Variants in PLPPR1 observed in about 807,000 individuals in gnomAD.
The protein encoded by PLPPR1 is phospholipid phosphatase related 1, also known as phospholipid phosphatase-related protein type 1.
In PLPPR1, 10 loss-of-function variants were observed where a neutral mutation model predicts 33.1. The ratio of observed to expected loss-of-function variants is 0.30; its 90% CI spans 0.19 to 0.51. PLPPR1 has a LOEUF of 0.51. Ranked by LOEUF, PLPPR1 falls within the 20% of genes least tolerant of loss-of-function variation. PLPPR1 has a pLI of 0.97. For missense variants in PLPPR1, 304 were observed against 408.1 expected, an observed-to-expected ratio of 0.74 and a Z score of 2.20; for synonymous variants, 151 against 151.0, an observed-to-expected ratio of 1.00 and a Z score of 0.00.
intron 1 of PLPPR1, among the ~76,000 whole-genome samples, chr9:101,116,582 A>G (rs1211192124): frequency 6.6e-6 from 1 of 152,182 alleles, no homozygotes; most frequent in Non-Finnish European, 1.5e-5. Context: ...TGGGAGGCCA[A>G]GGCGGGCGGA....
intron 2 of PLPPR1, among the ~76,000 whole-genome samples, chr9:101,186,184 T>G (rs1826199851): frequency 6.6e-6 from 1 of 151,892 alleles, no homozygotes; most frequent in Non-Finnish European, 1.5e-5. Context: ...TGTTTCTATG[T>G]TTGCTATAGA....
chr9:101,123,298 T>A (rs1386255600), intron 1 of PLPPR1, among the ~76,000 whole-genome samples: 2 of 151,532 alleles, frequency 1.3e-5, no homozygotes, highest in African/African-American at 4.9e-5. Context: ...ATTTTTATGG[T>A]TAGGTCTCTG....
intron 1 of PLPPR1, among the ~76,000 whole-genome samples, chr9:101,045,694 A>T (rs1192817004): frequency 2.6e-5 from 4 of 152,242 alleles, no homozygotes; most frequent in Non-Finnish European, 5.9e-5. Flanking sequence ...TGCCTTGTGG[A>T]CATAGTATAG....
At chr9:101,149,119 A>G (rs1393834650) in intron 1 of PLPPR1, among the ~76,000 whole-genome samples, 1 of 152,210 alleles carries the variant, frequency 6.6e-6, no homozygotes, top group Non-Finnish European at 1.5e-5. Context: ...AATTATGAAC[A>G]GTTGACACGT....
intron 2 of PLPPR1, among the ~76,000 whole-genome samples, chr9:101,235,750 CACTT>C (rs1326730563): frequency 1.3e-5 from 2 of 151,874 alleles, no homozygotes; most frequent in East Asian, 1.9e-4. Flanking sequence ...ATAAACCTCT[CACTT>C]ACAGGCACAG....
intron 1 of PLPPR1, among the ~76,000 whole-genome samples, chr9:101,133,536 A>C (rs1831341315): frequency 6.6e-6 from 1 of 151,218 alleles, no homozygotes; most frequent in South Asian, 2.1e-4. Flanking sequence ...TAATAGTTGG[A>C]TCTACTATAC....
At chr9:101,162,517 A>T (rs1825778481) in intron 1 of PLPPR1, among the ~76,000 whole-genome samples, 1 of 152,188 alleles carries the variant, frequency 6.6e-6, no homozygotes, top group Non-Finnish European at 1.5e-5. Flanking sequence ...GAATTTGTGA[A>T]TTTTGTGCCA....
chr9:101,301,686 T>C (rs1024175711), intron 4 of PLPPR1, among the ~76,000 whole-genome samples: 2 of 152,196 alleles, frequency 1.3e-5, no homozygotes, highest in Non-Finnish European at 2.9e-5. Flanking sequence ...AAACTTATTT[T>C]TGAAGCACAA....
chr9:101,266,775 T>C (rs1828006388), intron 2 of PLPPR1, among the ~76,000 whole-genome samples: 1 of 152,228 alleles, frequency 6.6e-6, no homozygotes. Flanking sequence ...GTTAAGATAG[T>C]TCTGTTTTAA....
intron 6 of PLPPR1, among the ~76,000 whole-genome samples, chr9:101,314,473 G>C (rs1829015982): frequency 6.6e-6 from 1 of 152,120 alleles, no homozygotes; most frequent in Admixed American, 6.5e-5. Flanking sequence ...ATGCAGCTTT[G>C]GTTCCAGACC....
chr9:101,085,620 A>G (rs1482539140), intron 1 of PLPPR1, among the ~76,000 whole-genome samples: 1 of 152,230 alleles, frequency 6.6e-6, no homozygotes, highest in African/African-American at 2.4e-5. Flanking sequence ...GAAAAAATTC[A>G]ATTCTTATTT....
At chr9:101,146,963 T>C (rs1364784501) in intron 1 of PLPPR1, among the ~76,000 whole-genome samples, 1 of 152,216 alleles carries the variant, frequency 6.6e-6, no homozygotes, top group Non-Finnish European at 1.5e-5. Context: ...ACTAGGATGT[T>C]GTTAAGGCTG....
At chr9:101,293,248 G>A (rs1019338310) in intron 4 of PLPPR1, among the ~76,000 whole-genome samples, 2 of 148,730 alleles carry the variant, frequency 1.3e-5, no homozygotes, top group Non-Finnish European at 3.0e-5. Context: ...AACAAGAAGA[G>A]CTAACTATCC....
chr9:101,209,167 G>A (rs997907593), intron 2 of PLPPR1, among the ~76,000 whole-genome samples: 3 of 152,196 alleles, frequency 2.0e-5, no homozygotes, highest in Admixed American at 1.3e-4. Context: ...AGTAATTCGT[G>A]TTTTAACAAG....
chr9:101,083,880 G>A (rs1232831909), intron 1 of PLPPR1, among the ~76,000 whole-genome samples: 1 of 152,174 alleles, frequency 6.6e-6, no homozygotes, highest in Non-Finnish European at 1.5e-5. Flanking sequence ...ATTCTCATGA[G>A]ACCTCCACCT....
At chr9:101,273,912 T>A (rs1828142105) in intron 3 of PLPPR1, among the ~76,000 whole-genome samples, 1 of 152,200 alleles carries the variant, frequency 6.6e-6, no homozygotes, top group African/African-American at 2.4e-5. Context: ...TCACCAAAAC[T>A]TTACAAAGAA....
At chr9:101,126,900 A>G (rs1017467822) in intron 1 of PLPPR1, among the ~76,000 whole-genome samples, 3 of 152,136 alleles carry the variant, frequency 2.0e-5, no homozygotes, top group Admixed American at 6.5e-5. Flanking sequence ...CACATTGACC[A>G]AACTGAGACT....
At chr9:101,278,616 A>G (rs545099489) in intron 3 of PLPPR1, among the ~76,000 whole-genome samples, 1 of 152,204 alleles carries the variant, frequency 6.6e-6, no homozygotes, top group Non-Finnish European at 1.5e-5. Flanking sequence ...TTTGCCTTGG[A>G]CCCCAACCCT....
intron 1 of PLPPR1, among the ~76,000 whole-genome samples, chr9:101,061,731 G>A (rs1004094080): frequency 1.3e-5 from 2 of 151,820 alleles, no homozygotes; most frequent in African/African-American, 4.8e-5. Context: ...TATTTATGCA[G>A]GGTCCTTAAA....
Sources: allele counts gnomAD v4.1 joint callset (sites outside exome capture counted in the v4.1 genomes callset), GRCh38; gene constraint gnomAD v4.1.1; transcripts MANE v1.5; gene names NCBI Gene and HGNC (gene_info 2026-07-23, HGNC 2026-07-21).